MYRIP: variants seen among roughly 807,000 people sequenced by gnomAD.
MYRIP encodes myosin VIIA and Rab interacting protein.
Under a neutral mutation model 98.0 loss-of-function variants are expected in MYRIP, and 49 were observed. The ratio of observed to expected loss-of-function variants is 0.50; its 90% CI spans 0.40 to 0.63. The LOEUF is 0.63. Ranked by LOEUF, MYRIP falls within the 30% of genes least tolerant of loss-of-function variation. The pLI is 0.00. For synonymous variants in MYRIP, 404 were observed against 409.5 expected, an observed-to-expected ratio of 0.99 and a Z score of 0.16; for missense variants, 1,004 against 1,058.2, an observed-to-expected ratio of 0.95 and a Z score of 0.71.
intron 2 of MYRIP, among the ~76,000 whole-genome samples, chr3:40,030,882 G>A (rs570104042): frequency 6.6e-6 from 1 of 152,238 alleles, no homozygotes; most frequent in South Asian, 2.1e-4. Context: ...ATGTTACGGA[G>A]TAAGACAGTA....
chr3:39,932,708 A>G (rs1452875413), intron 2 of MYRIP, among the ~76,000 whole-genome samples: 1 of 152,116 alleles, frequency 6.6e-6, no homozygotes, highest in African/African-American at 2.4e-5. Context: ...CTGGGCCAGA[A>G]GTGGTCAGAG....
At chr3:40,212,352 A>G (rs1951987064) in intron 11 of MYRIP, among the ~76,000 whole-genome samples, 1 of 150,042 alleles carries the variant, frequency 6.7e-6, no homozygotes, top group Non-Finnish European at 1.5e-5. Flanking sequence ...ACTATATAAT[A>G]TATGGTTTCC....
chr3:40,019,983 T>A (rs924897984), intron 2 of MYRIP, among the ~76,000 whole-genome samples: 24 of 152,206 alleles, frequency 1.6e-4, no homozygotes, highest in African/African-American at 4.8e-4. Flanking sequence ...TCTACATTTT[T>A]AAAAATAATT....
At chr3:40,097,771 T>A (rs1948860388) in intron 3 of MYRIP, among the ~76,000 whole-genome samples, 1 of 152,128 alleles carries the variant, frequency 6.6e-6, no homozygotes, top group South Asian at 2.1e-4. Flanking sequence ...TGCAGAGGCA[T>A]GGAAATGCTG....
At chr3:40,182,793 G>C (rs529606893) in intron 9 of MYRIP, among the ~76,000 whole-genome samples, 1 of 152,352 alleles carries the variant, frequency 6.6e-6, no homozygotes, top group Non-Finnish European at 1.5e-5. Context: ...CTTTCAAAGG[G>C]ATTTGGGTCC....
At chr3:40,110,306 C>T (rs928962380) in intron 3 of MYRIP, among the ~76,000 whole-genome samples, 8 of 152,134 alleles carry the variant, frequency 5.3e-5, no homozygotes, top group Non-Finnish European at 7.4e-5. Flanking sequence ...TTTTTATGAA[C>T]ATAATAAAAA....
chr3:40,013,125 T>C (rs1342293048), intron 2 of MYRIP, among the ~76,000 whole-genome samples: 1 of 152,214 alleles, frequency 6.6e-6, no homozygotes, highest in African/African-American at 2.4e-5. Flanking sequence ...TTCTCTCTGG[T>C]TACCCCATGT....
chr3:40,050,226 G>T (rs1194145883), intron 3 of MYRIP, among the ~76,000 whole-genome samples: 4 of 152,112 alleles, frequency 2.6e-5, no homozygotes, highest in African/African-American at 9.7e-5. Context: ...CTAAAAAGAA[G>T]TCAATACCTG....
chr3:39,810,948 G>T (rs947978948), intron 1 of MYRIP, among the ~76,000 whole-genome samples: 1 of 152,146 alleles, frequency 6.6e-6, no homozygotes, highest in Non-Finnish European at 1.5e-5. Flanking sequence ...CCATCTCCCC[G>T]ACCATGATCT....
At chr3:40,213,235 T>C (rs1952015222) in intron 11 of MYRIP, among the ~76,000 whole-genome samples, 1 of 152,194 alleles carries the variant, frequency 6.6e-6, no homozygotes, top group Non-Finnish European at 1.5e-5. Context: ...CATTGTTGAT[T>C]GAATAAACAC....
rs372643039 is a variant in MYRIP, at chr3:39,841,772, A to G, written c.-31+31856A>G. Reference sequence around the variant, plus strand: ...TCCACTCCAGACCCTATTTACCTGGATATCACCAGCAGAGGCTGCAGAACA... The same window carrying G: ...TCCACTCCAGACCCTATTTACCTGGGTATCACCAGCAGAGGCTGCAGAACA... On this transcript the variant is annotated intron_variant, in intron 1 of 16. Transcript: ENST00000302541. Among the ~76,000 whole-genome samples, 160 of 152,258 alleles carry G rather than the reference A, an allele frequency of 1.1e-3. 1 individual carries two copies. The highest frequency in any genetic ancestry group is 2.9e-3 in the Admixed American group (45 of 15,294).
In MYRIP at chr3:40,141,091, A is replaced by G. The variant is rs375101829; in HGVS notation, c.333-9957A>G. On this transcript the variant is annotated intron_variant, in intron 3 of 16. Transcript: ENST00000302541. Reference sequence around the variant, plus strand: ...TCTTCCTTCCTAGCCTCTGGTAACCATCCTTCTACACTCTATCTCCATGAA... The same window carrying G: ...TCTTCCTTCCTAGCCTCTGGTAACCGTCCTTCTACACTCTATCTCCATGAA... Among the ~76,000 whole-genome samples the G allele has an allele frequency of 1.1e-3, 172 of 152,056 alleles. 1 individual carries two copies. The highest frequency in any genetic ancestry group is 4.1e-3 in the African/African-American group (168 of 41,464).
At chr3:39,908,749 G>A (rs1453134054) in intron 2 of MYRIP, among the ~76,000 whole-genome samples, 1 of 152,144 alleles carries the variant, frequency 6.6e-6, no homozygotes, top group Non-Finnish European at 1.5e-5. Flanking sequence ...TGTTTTTACT[G>A]TCTTTTGTTC....
chr3:40,153,084 A>G (rs1413247973), intron 4 of MYRIP, among the ~76,000 whole-genome samples: 1 of 151,904 alleles, frequency 6.6e-6, no homozygotes, highest in Non-Finnish European at 1.5e-5. Flanking sequence ...GTGCCACTGC[A>G]CTCCAGCCTG....
At chr3:39,909,551 TG>T (rs1943966495) in intron 2 of MYRIP, among the ~76,000 whole-genome samples, 1 of 152,078 alleles carries the variant, frequency 6.6e-6, no homozygotes, top group Admixed American at 6.5e-5. Context: ...GGCAGACTCA[TG>T]GGAATACATC....
chr3:39,852,231 T>C (rs1378947049), intron 1 of MYRIP, among the ~76,000 whole-genome samples: 1 of 152,196 alleles, frequency 6.6e-6, no homozygotes, highest in African/African-American at 2.4e-5. Flanking sequence ...TCTGCAGTTC[T>C]GCCCAACTAT....
At chr3:40,070,390 A>G (rs1948199875) in intron 3 of MYRIP, among the ~76,000 whole-genome samples, 1 of 152,188 alleles carries the variant, frequency 6.6e-6, no homozygotes. Flanking sequence ...CATGGCTTAT[A>G]TTGACATTGT....
At chr3:39,962,930 A>G (rs1290870965) in intron 2 of MYRIP, among the ~76,000 whole-genome samples, 1 of 152,144 alleles carries the variant, frequency 6.6e-6, no homozygotes, top group Non-Finnish European at 1.5e-5. Context: ...TTTTCAATTT[A>G]GTTTTATATT....
intron 2 of MYRIP, among the ~76,000 whole-genome samples, chr3:40,027,838 T>C (rs1287203475): frequency 6.6e-6 from 1 of 151,542 alleles, no homozygotes; most frequent in Non-Finnish European, 1.5e-5. Flanking sequence ...ATGGGCAGGG[T>C]CAAGAGGACA....
Sources: allele counts gnomAD v4.1 joint callset (sites outside exome capture counted in the v4.1 genomes callset), GRCh38; gene constraint gnomAD v4.1.1; transcripts MANE v1.5; gene names NCBI Gene and HGNC (gene_info 2026-07-23, HGNC 2026-07-21).